The following IFT22 variants were observed in gnomAD, a reference collection of about 807,000 sequenced individuals.
IFT22 encodes intraflagellar transport protein 22 homolog.
A neutral mutation model predicts 21.0 loss-of-function variants in IFT22; 13 were observed. The ratio of observed to expected loss-of-function variants is 0.62; its 90% CI spans 0.40 to 0.98. The LOEUF (loss-of-function observed/expected upper bound fraction) is 0.98, where lower values mean the gene tolerates loss of function less well. Among genes scored for constraint, IFT22 ranks in the 50% least tolerant of loss-of-function variants. The pLI is 0.00. For missense variants in IFT22, 227 were observed against 228.9 expected (o/e 0.99, Z 0.06); for synonymous variants, 67 against 82.4 (o/e 0.81, Z 1.01).
At chr7:101,321,529 G>C (rs1231891649) in intron 1 of IFT22, 142 bp downstream of exon 1, 4 of 772,412 alleles carry the variant, frequency 5.2e-6, no homozygotes, top group Admixed American at 5.8e-5. Context: ...GGAAAGGGCA[G>C]GGGCGCCAGT....
rs2116939327 is a variant in IFT22, at chr7:101,321,805, A to AGAGGC, written c.-101_-97dup. The AGAGGC allele has an allele frequency of 2.6e-6, 3 of 1,152,622 alleles. No individual in the cohort carries two copies. The South Asian group carries it at 5.0e-5, about 19-fold the overall frequency. The allele number at this position is 1,152,622 out of a possible 1,614,324, so 71.4% of individuals were successfully genotyped here. A position where few individuals can be genotyped will look rare whatever the true frequency, so the allele number is the denominator to read the frequency against. On this transcript the variant is annotated 5_prime_UTR_variant, in exon 1 of 5. Coordinates refer to ENST00000315322, the MANE Select transcript of IFT22 (RefSeq NM_022777.4). ...CGCTTTCGTTTCCATGGCGACGGAGAGAGGCCCGCAGGGCCGACGGGACTC... is the reference window on the plus strand; with the variant it reads ...CGCTTTCGTTTCCATGGCGACGGAGAGAGGCGAGGCCCGCAGGGCCGACGGGACTC...
chr7:101,318,559 C>T (rs1390218739), intron 2 of IFT22: 1 of 265,874 alleles, frequency 3.8e-6, no homozygotes, highest in East Asian at 8.9e-5. Flanking sequence ...AATAATGAGG[C>T]TGCATTACAC....
Position 101,314,860 on chromosome 7 carries a change from T to C in IFT22, c.*274A>G, listed in dbSNP as rs1790093971. On this transcript the variant is annotated 3_prime_UTR_variant, in exon 5 of 5. Transcript: ENST00000315322. ...TCCACAAACTGTTTAACTGGACATA[T>C]GTGAGGTGGTAAATCCCTCCATTTT... 7.4e-6 allele frequency: 3 copies of C among 407,858 alleles called. No homozygotes were observed. Among genetic ancestry groups the C allele is most frequent in the South Asian group, 7.0e-5 (2 of 28,430 alleles). The allele number at this position is 407,858 out of a possible 1,614,324, so 25.3% of individuals were successfully genotyped here.
chr7:101,319,627 A>C (rs891248236), intron 1 of IFT22, among the ~76,000 whole-genome samples: 1 of 143,166 alleles, frequency 7.0e-6, no homozygotes, highest in Non-Finnish European at 1.5e-5. Context: ...CGATTATATG[A>C]GTAATACACA....
intron 1 of IFT22, 120 bp from the exon 2 acceptor site, chr7:101,319,152 G>C: frequency 2.3e-6 from 2 of 858,290 alleles, no homozygotes; most frequent in Middle Eastern, 2.2e-4. Context: ...GGCACCCTGA[G>C]ATCACTGGGG....
Position 101,311,978 on chromosome 7 carries a change from C to CA in IFT22, c.*3155dup, listed in dbSNP as rs907550537. Among the ~76,000 whole-genome samples, 3 of 151,854 alleles carry CA rather than the reference C, an allele frequency of 2.0e-5. No individual in the cohort carries two copies. Among genetic ancestry groups the CA allele is most frequent in the African/African-American group, 7.3e-5 (3 of 41,352 alleles). ...AGACTCTCAAAAAAACAAAACAACA[C>CA]AAAAAAATCTCCTAAGATGATTAAA... On this transcript the variant is annotated 3_prime_UTR_variant, in exon 5 of 5. Coordinates refer to ENST00000315322, the MANE Select transcript of IFT22 (RefSeq NM_022777.4).
At chr7:101,321,072 G>A (rs1790330687) in intron 1 of IFT22, among the ~76,000 whole-genome samples, 1 of 152,114 alleles carries the variant, frequency 6.6e-6, no homozygotes, top group Non-Finnish European at 1.5e-5. Flanking sequence ...GAACCCGGGA[G>A]GCGGAGTTTG....
intron 1 of IFT22, among the ~76,000 whole-genome samples, chr7:101,321,228 C>G (rs1222424758): frequency 3.3e-5 from 5 of 152,072 alleles, no homozygotes; most frequent in Non-Finnish European, 2.9e-5. Flanking sequence ...GAGGCTGAGG[C>G]AGGAGGACTG....
chr7:101,319,017 A>G lies in IFT22; in HGVS notation c.55T>C (p.Leu19=). The G allele has an allele frequency of 6.2e-7, 1 of 1,613,940 alleles. No homozygotes were observed. Among genetic ancestry groups the G allele is most frequent in the Non-Finnish European group, 8.5e-7 (1 of 1,179,878 alleles). Residue 19 remains leucine (L), a synonymous_variant, in exon 2 of 5, where the codon TTG becomes CTG. Transcript: ENST00000315322. ...GAAGATTCTGTCAGAAAGTTGGCCAAAACAGTTTTTCCACTCTGTGAAAAT... is the reference window on the plus strand; with the variant it reads ...GAAGATTCTGTCAGAAAGTTGGCCAGAACAGTTTTTCCACTCTGTGAAAAT... ...VGPCESGKTV[L]ANFLTESSDI...
At chr7:101,321,145 A>C (rs906454835) in intron 1 of IFT22, among the ~76,000 whole-genome samples, 1 of 152,012 alleles carries the variant, frequency 6.6e-6, no homozygotes, top group South Asian at 2.1e-4. Flanking sequence ...TCTGTCTCAA[A>C]AAAACAAAAC....
chr7:101,320,754 G>T (rs183704769), intron 1 of IFT22, among the ~76,000 whole-genome samples: 3 of 152,092 alleles, frequency 2.0e-5, no homozygotes, highest in Non-Finnish European at 4.4e-5. Context: ...TGTAATCCCA[G>T]AACTTTGAGA....
chr7:101,321,486 G>A (rs1193043124), intron 1 of IFT22, 185 bp downstream of exon 1: 2 of 602,634 alleles, frequency 3.3e-6, no homozygotes, highest in Non-Finnish European at 5.7e-6. Context: ...CCGGGCAGTG[G>A]TTGGAATCAA....
At chr7:101,317,774 T>C (rs564370310) in intron 3 of IFT22, among the ~76,000 whole-genome samples, 2 of 152,118 alleles carry the variant, frequency 1.3e-5, no homozygotes, top group South Asian at 2.1e-4. Flanking sequence ...TGGAGTACAA[T>C]GGTGCGATCT....
chr7:101,313,263 T>G lies in IFT22; in HGVS notation c.*1871A>C, dbSNP rs1392297248. The G allele has an allele frequency of 6.6e-6, 1 of 152,004 alleles. No individual in the cohort carries two copies. The highest frequency in any genetic ancestry group is 2.4e-5 in the African/African-American group (1 of 41,364). 9.4% of individuals were successfully genotyped at this position (152,004 alleles called of 1,614,324 possible). The stretch of plus-strand genomic sequence containing the variant: ...TTCGCCATGTTGGCCAGGCTGTTCT[T>G]GAACTCCTGGCTTCCATCAGTTCTC... On this transcript the variant is annotated 3_prime_UTR_variant, in exon 5 of 5. Coordinates refer to ENST00000315322, the MANE Select transcript of IFT22 (RefSeq NM_022777.4).
In IFT22 at chr7:101,313,653, CTG is replaced by C. The variant is rs1334500337; in HGVS notation, c.*1479_*1480del. The C allele has an allele frequency of 6.6e-6, 1 of 152,096 alleles. No homozygotes were observed. The highest frequency in any genetic ancestry group is 1.5e-5 in the Non-Finnish European group (1 of 68,030). 9.4% of individuals were successfully genotyped at this position (152,096 alleles called of 1,614,324 possible). A position where few individuals can be genotyped will look rare whatever the true frequency, so the allele number is the denominator to read the frequency against. ...GCCAGGCACTTCAAATTTTTTGTCT[CTG>C]TGTGTCTGCGAATAACTGAGAAAGT... is the stretch of plus-strand genomic sequence containing the variant. On this transcript the variant is annotated 3_prime_UTR_variant, in exon 5 of 5. Transcript: ENST00000315322.
chr7:101,316,118 C>T (rs976457139), intron 4 of IFT22: 3 of 526,256 alleles, frequency 5.7e-6, no homozygotes, highest in Non-Finnish European at 6.8e-6. Flanking sequence ...CCTGCCTTAG[C>T]CCCCTGAGTA....
rs2116907062 is a variant in IFT22 at position 101,311,608 on chromosome 7, C to T, written c.*3526G>A. 6.6e-6 allele frequency among the ~76,000 whole-genome samples: 1 copy of T among 152,336 alleles called. No homozygotes were observed. On this transcript the variant is annotated 3_prime_UTR_variant, in exon 5 of 5. Transcript: ENST00000315322. ...TATTCATCTCCCTTAGGTGCCTCAA[C>T]TTTTTCTCCCACTCTCAGCTGAAAA... is the stretch of plus-strand genomic sequence containing the variant.
intron 1 of IFT22, chr7:101,321,453 C>T: frequency 1.8e-6 from 1 of 558,440 alleles, no homozygotes; most frequent in Admixed American, 3.4e-5. Flanking sequence ...TCATTAACAC[C>T]GGGCTCGCCT....
chr7:101,318,192 C>A lies in IFT22; in HGVS notation c.138G>T (p.Pro46=), dbSNP rs556970587. The A allele has an allele frequency of 6.2e-6, 10 of 1,612,096 alleles. No individual in the cohort carries two copies. The East Asian group carries it at 1.8e-4, about 29-fold the overall frequency. ...QGVRILEFEN[P]HVTSNNKGTG... ...TGCCTTTGTTGTTGCTGGTAACATG[C>A]GGGTTCTCAAATTCTAGGATCCTAA... is the stretch of plus-strand genomic sequence containing the variant. Residue 46 remains proline, a synonymous_variant, in exon 3 of 5, where the codon CCG becomes CCT. Coordinates refer to ENST00000315322, the MANE Select transcript of IFT22 (RefSeq NM_022777.4).
Sources: allele counts gnomAD v4.1 joint callset (sites outside exome capture counted in the v4.1 genomes callset), GRCh38; gene constraint gnomAD v4.1.1; transcripts MANE v1.5; gene names NCBI Gene and HGNC (gene_info 2026-07-23, HGNC 2026-07-21).